The following FREM1 variants were observed in gnomAD, a reference collection of about 807,000 sequenced individuals.
The protein encoded by FREM1 is FRAS1 related extracellular matrix 1, also known as FRAS1-related extracellular matrix protein 1.
Under a neutral mutation model 210.1 loss-of-function variants are expected in FREM1, and 220 were observed. That is an observed-to-expected ratio of 1.05 (90% confidence interval 0.94 to 1.17). The LOEUF is 1.17. FREM1 is among the 50% of genes most tolerant of loss of function. The pLI is 0.00. For missense variants in FREM1, 3,454 were observed against 2,675.5 expected, an observed-to-expected ratio of 1.29 and a Z score of -6.42; for synonymous variants, 1,189 against 980.2, an observed-to-expected ratio of 1.21 and a Z score of -3.98.
chr9:14,789,818 C>G (rs1420018731), intron 22 of FREM1, among the ~76,000 whole-genome samples: 1 of 152,086 alleles, frequency 6.6e-6, no homozygotes, highest in Non-Finnish European at 1.5e-5. Flanking sequence ...TAAAAAGGTT[C>G]TTATGCTGAG....
chr9:14,797,758 G>C (rs995400701), intron 20 of FREM1, 116 bp from the exon 21 acceptor site: 1 of 690,764 alleles, frequency 1.4e-6, no homozygotes, highest in Non-Finnish European at 2.3e-6. Flanking sequence ...TCATTTATCA[G>C]TGCAGTAGGG....
chr9:14,851,219 G>A (rs1827679759), intron 6 of FREM1, 65 bp downstream of exon 6: 1 of 1,177,918 alleles, frequency 8.5e-7, no homozygotes, highest in Non-Finnish European at 1.2e-6. Flanking sequence ...AGGGTTTAGG[G>A]TAGGGGGTTC....
At chr9:14,898,391 T>G (rs1838137542) in intron 1 of FREM1, among the ~76,000 whole-genome samples, 13 of 152,240 alleles carry the variant, frequency 8.5e-5, no homozygotes, top group Admixed American at 8.5e-4. Context: ...TTTCTAAAAT[T>G]TATTTTAAAA....
intron 35 of FREM1, among the ~76,000 whole-genome samples, chr9:14,743,988 G>T (rs560102005): frequency 6.6e-6 from 1 of 151,926 alleles, no homozygotes; most frequent in Non-Finnish European, 1.5e-5. Flanking sequence ...TCTTAATGAC[G>T]GAAGAATGTC....
At chr9:14,876,153 T>A (rs1833685363) in intron 1 of FREM1, among the ~76,000 whole-genome samples, 1 of 152,168 alleles carries the variant, frequency 6.6e-6, no homozygotes, top group Admixed American at 6.5e-5. Flanking sequence ...GGAGGCAGTC[T>A]GCCCATTCTC....
chr9:14,805,129 T>A lies in FREM1; in HGVS notation c.3298A>T (p.Asn1100Tyr), dbSNP rs771273809. The A allele has an allele frequency of 3.2e-6, 5 of 1,577,826 alleles. No individual in the cohort carries two copies. Among genetic ancestry groups the A allele is most frequent in the African/African-American group, 2.7e-5 (2 of 73,854 alleles). The stretch of plus-strand genomic sequence containing the variant: ...TGCACATAGTTAATGTGAAAAGCGT[T>A]CATGTCTTTCCACTGAAATGAATCT... ...SIDSFQWKDMNAFHINYVQSR... is the reference protein window; with the variant it reads ...SIDSFQWKDMYAFHINYVQSR... Residue 1100 changes from asparagine (N) to tyrosine (Y), a missense_variant, in exon 19 of 37, where the codon AAC (asparagine) becomes TAC (tyrosine). Coordinates refer to ENST00000380880, the MANE Select transcript of FREM1 (RefSeq NM_001379081.2).
At chr9:14,829,650 T>C (rs1004290101) in intron 10 of FREM1, among the ~76,000 whole-genome samples, 3 of 152,202 alleles carry the variant, frequency 2.0e-5, no homozygotes, top group African/African-American at 2.4e-5. Context: ...TCACAAGATG[T>C]AGTTCATTGA....
At chr9:14,891,360 G>T (rs1489012824) in intron 1 of FREM1, among the ~76,000 whole-genome samples, 1 of 151,838 alleles carries the variant, frequency 6.6e-6, no homozygotes, top group African/African-American at 2.4e-5. Flanking sequence ...AGACAAAAAT[G>T]ACAAAAAAAA....
At chr9:14,908,210 T>C (rs1279257087) in intron 1 of FREM1, among the ~76,000 whole-genome samples, 6 of 152,332 alleles carry the variant, frequency 3.9e-5, no homozygotes, top group African/African-American at 1.4e-4. Context: ...TTTAACACCA[T>C]GGAAGAATCA....
chr9:14,845,961 T>C lies in FREM1; in HGVS notation c.1392A>G (p.Arg464=). 6.2e-7 allele frequency: 1 copy of C among 1,613,510 alleles called. No homozygotes were observed. The highest frequency in any genetic ancestry group is 1.1e-5 in the South Asian group (1 of 91,006). ...AGGTTACCAAGTTGGATCATTCACC[T>C]CTTAAAGTCAGCCATCCATGCTGCA... ...GGLQHGWLTL[R]GGKGFLFTVA... Residue 464 remains arginine (R), a splice_region_variant and synonymous_variant, in exon 8 of 37, where the codon AGA becomes AGG. Coordinates refer to ENST00000380880, the MANE Select transcript of FREM1 (RefSeq NM_001379081.2).
chr9:14,873,064 G>A (rs918186478), intron 1 of FREM1, among the ~76,000 whole-genome samples: 169 of 152,156 alleles, frequency 1.1e-3, no homozygotes, highest in African/African-American at 3.7e-3. Flanking sequence ...TGCTGGATTC[G>A]GTTTGCCAGT....
intron 35 of FREM1, among the ~76,000 whole-genome samples, chr9:14,741,979 T>C (rs1324182648): frequency 1.6e-4 from 25 of 152,194 alleles, no homozygotes; most frequent in Admixed American, 1.6e-3. Flanking sequence ...AAGAGTGAGA[T>C]GGGAAGATAG....
Position 14,823,335 on chromosome 9 carries a change from G to C in FREM1, c.2170-8C>G, listed in dbSNP as rs1279198779. The C allele has an allele frequency of 6.2e-7, 1 of 1,611,460 alleles. No homozygotes were observed. The highest frequency in any genetic ancestry group is 8.5e-7 in the Non-Finnish European group (1 of 1,178,368). On this transcript the variant is annotated splice_polypyrimidine_tract_variant and splice_region_variant and intron_variant, in intron 12 of 36. Coordinates refer to ENST00000380880, the MANE Select transcript of FREM1 (RefSeq NM_001379081.2). ...CATATAGTTCACAGCATGCTGCAAA[G>C]TAAGTTGAGATGGATATGTGGGTGC...
intron 1 of FREM1, among the ~76,000 whole-genome samples, chr9:14,888,976 A>G (rs1303807659): frequency 1.3e-5 from 2 of 152,192 alleles, no homozygotes; most frequent in Admixed American, 6.5e-5. Flanking sequence ...TTTTATTAAC[A>G]TAATGTTCTA....
chr9:14,861,362 T>C (rs1830530081), intron 3 of FREM1, among the ~76,000 whole-genome samples: 1 of 88,594 alleles, frequency 1.1e-5, no homozygotes, highest in Admixed American at 1.0e-4. Context: ...TATATACACA[T>C]ATATACACGT....
At chr9:14,832,942 T>C (rs892022180) in intron 10 of FREM1, among the ~76,000 whole-genome samples, 19 of 152,200 alleles carry the variant, frequency 1.2e-4, no homozygotes, top group African/African-American at 4.3e-4. Flanking sequence ...CAGGACCCCA[T>C]AGGCCTGCTG....
chr9:14,877,856 A>T (rs1448081286), intron 1 of FREM1, among the ~76,000 whole-genome samples: 1 of 152,190 alleles, frequency 6.6e-6, no homozygotes, highest in Non-Finnish European at 1.5e-5. Flanking sequence ...GGAAATTGTG[A>T]GATAAATTTG....
intron 36 of FREM1, 58 bp from the exon 37 acceptor site, chr9:14,737,653 A>T: frequency 3.8e-6 from 5 of 1,324,816 alleles, no homozygotes; most frequent in Non-Finnish European, 5.0e-6. Flanking sequence ...CTTAGATATC[A>T]TATCCAGCTG....
intron 7 of FREM1, among the ~76,000 whole-genome samples, chr9:14,848,281 A>C (rs1564068389): frequency 6.6e-6 from 1 of 152,254 alleles, no homozygotes; most frequent in African/African-American, 2.4e-5. Flanking sequence ...AGCCCAACAT[A>C]AAAATAGACT....
Sources: gnomAD v4.1 joint callset for allele counts (sites outside exome capture counted in the v4.1 genomes callset) on GRCh38, gnomAD v4.1.1 for gene constraint, MANE v1.5 for transcripts, NCBI Gene and HGNC (gene_info 2026-07-23, HGNC 2026-07-21) for gene names.